CAD: variants seen among roughly 807,000 people sequenced by gnomAD.
The protein encoded by CAD is carbamoyl-phosphate synthetase 2, aspartate transcarbamylase, and dihydroorotase.
A neutral mutation model predicts 237.2 loss-of-function variants in CAD; 81 were observed. The observed-to-expected ratio is 0.34, with a 90% CI of 0.29 to 0.41. CAD has a LOEUF of 0.41. Among genes scored for constraint, CAD ranks in the 10% least tolerant of loss-of-function variants. CAD has a pLI of 1.00. For missense variants in CAD, 2,181 were observed against 2,951.7 expected, an observed-to-expected ratio of 0.74 and a Z score of 6.05; for synonymous variants, 1,196 against 1,162.8, an observed-to-expected ratio of 1.03 and a Z score of -0.58.
At chr2:27,230,975 G>A (rs183861960) in intron 15 of CAD, among the ~76,000 whole-genome samples, 3 of 152,308 alleles carry the variant, frequency 2.0e-5, no homozygotes, top group Admixed American at 2.0e-4. Context: ...AGGGAAAAGA[G>A]CTATAAGTTA....
chr2:27,239,320 C>T lies in CAD; in HGVS notation c.5254-11C>T. The T allele has an allele frequency of 1.2e-6, 2 of 1,612,334 alleles. No homozygotes were observed. The highest frequency in any genetic ancestry group is 1.7e-6 in the Non-Finnish European group (2 of 1,178,688). ...ATCCTTTCCCTAGCATAACCCATGT[C>T]CTCTGGGCAGGTGGATCTGGAGCAT... On this transcript the variant is annotated splice_polypyrimidine_tract_variant and intron_variant, in intron 32 of 43. Coordinates refer to ENST00000264705, the MANE Select transcript of CAD (RefSeq NM_004341.5). The surrounding 1 kb of genome is among the most constrained non-coding windows in gnomAD (Gnocchi z 4.0).
In CAD at chr2:27,239,873, T is replaced by A. The variant is rs1484897854; in HGVS notation, c.5496+75T>A. ...GGATGAACAGCTTGAACATTTTCATTGGTGGTTCAGGAACAATTGGGGTTT... is the reference window on the plus strand; with the variant it reads ...GGATGAACAGCTTGAACATTTTCATAGGTGGTTCAGGAACAATTGGGGTTT... On this transcript the variant is annotated intron_variant, in intron 34 of 43. Coordinates refer to ENST00000264705, the MANE Select transcript of CAD (RefSeq NM_004341.5). This position sits in a 1 kb window ranked among gnomAD's most constrained non-coding sequence, Gnocchi z 4.0. 3 of 1,082,884 alleles carry A rather than the reference T, an allele frequency of 2.8e-6. No homozygotes were observed. The African/African-American group carries it at 4.8e-5, about 17-fold the overall frequency. The allele number at this position is 1,082,884 out of a possible 1,614,324, so 67.1% of individuals were successfully genotyped here.
Position 27,217,878 on chromosome 2 carries a change from G to A in CAD, c.84G>A (p.Val28=), listed in dbSNP as rs763967963. 1 of 1,600,696 alleles carries A rather than the reference G, an allele frequency of 6.2e-7. No individual in the cohort carries two copies. The highest frequency in any genetic ancestry group is 1.1e-5 in the South Asian group (1 of 89,114). ...CCCAGCCCTGCTTCTTTCTTGCAGT[G>A]TTTCAAACCGGCATGGTCGGCTACC... ...GAAVSTAGEV[V]FQTGMVGYPE... Residue 28 remains valine (V), a splice_region_variant and synonymous_variant, in exon 2 of 44, where the codon GTG becomes GTA. Coordinates refer to ENST00000264705, the MANE Select transcript of CAD (RefSeq NM_004341.5).
chr2:27,221,806 C>T (rs1345626537), intron 3 of CAD, among the ~76,000 whole-genome samples: 2 of 103,896 alleles, frequency 1.9e-5, no homozygotes, highest in Non-Finnish European at 3.6e-5. Context: ...TTGCTCTAAA[C>T]AGGGTTCACA....
At chr2:27,221,385 A>T in intron 3 of CAD, 38 bp downstream of exon 3, 1 of 1,479,088 alleles carries the variant, frequency 6.8e-7, no homozygotes, top group South Asian at 1.4e-5. Flanking sequence ...GGCAGAGCAC[A>T]GCATGCCTGG....
At position 27,243,497 on chromosome 2, in the gene CAD, C is replaced by G; in HGVS notation, c.6657C>G (p.Ala2219=). 1.2e-6 allele frequency: 2 copies of G among 1,601,626 alleles called. No individual in the cohort carries two copies. Among genetic ancestry groups the G allele is most frequent in the South Asian group, 2.3e-5 (2 of 88,846 alleles). Residue 2219 remains alanine (A), a synonymous_variant, in exon 44 of 44, where the codon GCC becomes GCG. Coordinates refer to ENST00000264705, the MANE Select transcript of CAD (RefSeq NM_004341.5). ...TGTACATCCGCATGGCTCTGTTAGC[C>G]ACCGTGCTGGGCCGTTTCTAGGGCC... ...NGMYIRMALL[A]TVLGRF
chr2:27,223,819 G>A (rs1015224483), intron 7 of CAD, 71 bp downstream of exon 7: 22 of 1,575,294 alleles, frequency 1.4e-5, no homozygotes, highest in African/African-American at 2.7e-5. Context: ...AGTAAAGCAC[G>A]GCAGTGGATC....
Position 27,221,212 on chromosome 2 carries a change from C to G in CAD, c.223-6C>G. 1 of 1,519,212 alleles carries G rather than the reference C, an allele frequency of 6.6e-7. No homozygotes were observed. The highest frequency in any genetic ancestry group is 1.4e-5 in the African/African-American group (1 of 72,020). The allele number at this position is 1,519,212 out of a possible 1,614,324, so 94.1% of individuals were successfully genotyped here. On this transcript the variant is annotated splice_polypyrimidine_tract_variant and splice_region_variant and intron_variant, in intron 2 of 43. Coordinates refer to ENST00000264705, the MANE Select transcript of CAD (RefSeq NM_004341.5). ...GAGGCTTCTCACAATCTCTTTCCAT[C>G]TACAGTGGTTTGAATCCTCGGGCAT...
intron 2 of CAD, 73 bp downstream of exon 2, chr2:27,218,089 C>T (rs1194291515): frequency 1.5e-6 from 2 of 1,336,362 alleles, no homozygotes; most frequent in South Asian, 1.5e-5. Context: ...AAGTAGGAGA[C>T]GTTGACACCC....
Position 27,240,111 on chromosome 2 carries a change from C to T in CAD, c.5497-154C>T. 1 of 683,968 alleles carries T rather than the reference C, an allele frequency of 1.5e-6. No individual in the cohort carries two copies. Among genetic ancestry groups the T allele is most frequent in the Non-Finnish European group, 2.5e-6 (1 of 393,300 alleles). The allele number at this position is 683,968 out of a possible 1,614,324, so 42.4% of individuals were successfully genotyped here. A position where few individuals can be genotyped will look rare whatever the true frequency, so the allele number is the denominator to read the frequency against. On this transcript the variant is annotated intron_variant, in intron 34 of 43. Coordinates refer to ENST00000264705, the MANE Select transcript of CAD (RefSeq NM_004341.5). The surrounding 1 kb of genome is among the most constrained non-coding windows in gnomAD (Gnocchi z 4.6). The stretch of plus-strand genomic sequence containing the variant: ...AAAAAATTAGCCAGGCGTGGTGGTG[C>T]ACATCTGTAATCCCAGCTACTTGGG...
intron 2 of CAD, among the ~76,000 whole-genome samples, chr2:27,219,537 G>T (rs1005258756): frequency 1.3e-5 from 2 of 151,312 alleles, no homozygotes; most frequent in Non-Finnish European, 3.0e-5. Context: ...TAGAGACCGG[G>T]TATTGTCACA....
rs921304186 is a variant in CAD, at chr2:27,231,994, A to T, written c.2415A>T (p.Pro805=). 6.2e-7 allele frequency: 1 copy of T among 1,614,114 alleles called. No homozygotes were observed. The highest frequency in any genetic ancestry group is 8.5e-7 in the Non-Finnish European group (1 of 1,180,050). ...CTTTCTATCAGGAGTTGGAGACTCC[A>T]ACAGATAAGCGGATTTTTGTGGTGG... The part of the protein sequence containing the change: ...KPVSDMELET[P]TDKRIFVVAA... Residue 805 remains proline, a synonymous_variant, in exon 17 of 44, where the codon CCA becomes CCT. Transcript: ENST00000264705.
rs758047914 is a variant in CAD at position 27,232,405 on chromosome 2, C to T, written c.2646-43C>T. ...GTCTCAACCCTCTATCAGTCTGTAC[C>T]CTACTCTCTGGGCCTGTGTTTCAGA... On this transcript the variant is annotated intron_variant, in intron 17 of 43. Coordinates refer to ENST00000264705, the MANE Select transcript of CAD (RefSeq NM_004341.5). This position sits in a 1 kb window ranked among gnomAD's most constrained non-coding sequence, Gnocchi z 4.1. 1.1e-5 allele frequency: 18 copies of T among 1,611,834 alleles called. No homozygotes were observed. Among genetic ancestry groups the T allele is most frequent in the South Asian group, 4.4e-5 (4 of 90,572 alleles).
chr2:27,220,081 A>G (rs1286114720), intron 2 of CAD, among the ~76,000 whole-genome samples: 1 of 152,188 alleles, frequency 6.6e-6, no homozygotes, highest in Non-Finnish European at 1.5e-5. Flanking sequence ...AATAAACATC[A>G]TGAAGACAGG....
Position 27,227,331 on chromosome 2 carries a change from C to T in CAD, c.2287+369C>T, listed in dbSNP as rs147309854. Among the ~76,000 whole-genome samples the T allele has an allele frequency of 1.5e-3, 229 of 152,264 alleles. 2 individuals carry two copies. The highest frequency in any genetic ancestry group is 0.011 in the Admixed American group (167 of 15,276). ...ATTAGTGAATGATGAATGGCCGTAA[C>T]GTTACCCAGCAGTGGCAGAGCATGT... On this transcript the variant is annotated intron_variant, in intron 15 of 43. Coordinates refer to ENST00000264705, the MANE Select transcript of CAD (RefSeq NM_004341.5).
Position 27,239,666 on chromosome 2 carries a change from C to T in CAD, c.5395-31C>T, listed in dbSNP as rs1676204730. On this transcript the variant is annotated intron_variant, in intron 33 of 43. Coordinates refer to ENST00000264705, the MANE Select transcript of CAD (RefSeq NM_004341.5). This position sits in a 1 kb window ranked among gnomAD's most constrained non-coding sequence, Gnocchi z 4.0. ...CTTTAGGACCTGAGTTCTCTCTGCT[C>T]CCTCCTGAGTGCCCTGCCTTCTGCC... 1.3e-6 allele frequency: 2 copies of T among 1,539,070 alleles called. No individual in the cohort carries two copies. The highest frequency in any genetic ancestry group is 1.8e-6 in the Non-Finnish European group (2 of 1,132,630).
intron 23 of CAD, 119 bp downstream of exon 23, chr2:27,234,804 G>A (rs955879374): frequency 1.6e-5 from 15 of 940,390 alleles, no homozygotes; most frequent in Non-Finnish European, 2.4e-5. Flanking sequence ...CGGATCGTGG[G>A]GGTAATGAGG....
At position 27,231,975 on chromosome 2, in the gene CAD, A is replaced by G. The variant is rs759687469; in HGVS notation, c.2401-5A>G. ...GCTTCCGTCTGTCTACCCCCTTTCT[A>G]TCAGGAGTTGGAGACTCCAACAGAT... On this transcript the variant is annotated splice_region_variant and splice_polypyrimidine_tract_variant and intron_variant, in intron 16 of 43. Coordinates refer to ENST00000264705, the MANE Select transcript of CAD (RefSeq NM_004341.5). 48 of 1,614,122 alleles carry G rather than the reference A, an allele frequency of 3.0e-5. No individual in the cohort carries two copies. The highest frequency in any genetic ancestry group is 1.8e-4 in the East Asian group (8 of 44,888).
chr2:27,231,542 G>T lies in CAD; in HGVS notation c.2362G>T (p.Val788Leu), dbSNP rs769393245. ...KALRMVDENCVGFDHTVKPVS... is the reference protein window; with the variant it reads ...KALRMVDENCLGFDHTVKPVS... ...CCTGCGCATGGTGGATGAGAACTGT[G>T]TGGGCTTTGATCACACAGTGAAACC... is the stretch of plus-strand genomic sequence containing the variant. Residue 788 changes from valine (V) to leucine (L), a missense_variant, in exon 16 of 44, where the codon GTG (valine) becomes TTG (leucine). Coordinates refer to ENST00000264705, the MANE Select transcript of CAD (RefSeq NM_004341.5). 3.7e-6 allele frequency: 6 copies of T among 1,613,772 alleles called. No individual in the cohort carries two copies. In the Admixed American group the frequency reaches 1.0e-4, roughly 27 times the overall value.
Sources: allele counts gnomAD v4.1 joint callset (sites outside exome capture counted in the v4.1 genomes callset), GRCh38; gene constraint gnomAD v4.1.1; non-coding constraint Gnocchi (gnomAD v3.1); transcripts MANE v1.5; gene names NCBI Gene and HGNC (gene_info 2026-07-23, HGNC 2026-07-21).